Variants in FGF14 observed in about 807,000 individuals in gnomAD.
FGF14 encodes fibroblast growth factor homologous factor 4.
Under a neutral mutation model 25.5 loss-of-function variants are expected in FGF14, and 5 were observed. That is an observed-to-expected ratio of 0.20 (90% confidence interval 0.10 to 0.41). The LOEUF (loss-of-function observed/expected upper bound fraction) is 0.41. Among genes scored for constraint, FGF14 ranks in the 10% least tolerant of loss-of-function variants. FGF14 has a pLI of 1.00. For missense variants in FGF14, 222 were observed against 320.1 expected (o/e 0.69, Z 2.34); for synonymous variants, 138 against 118.3 (o/e 1.17, Z -1.08).
intron 3 of FGF14, among the ~76,000 whole-genome samples, chr13:101,730,161 T>C (rs2035713532): frequency 6.6e-6 from 1 of 152,172 alleles, no homozygotes; most frequent in Non-Finnish European, 1.5e-5. Context: ...AAGGGAATAA[T>C]AATAGGGCCT....
At position 101,715,876 on chromosome 13, in the gene FGF14, T is replaced by C. The variant is rs2139625078; in HGVS notation, c.*6955A>G. ...AAAAAAGATTCTTCCATAATTAACA[T>C]AAGTGGTTCCTAACGAGAGCAATTT... is the stretch of plus-strand genomic sequence containing the variant. On this transcript the variant is annotated 3_prime_UTR_variant, in exon 5 of 5. Coordinates refer to ENST00000376143, the MANE Select transcript of FGF14 (RefSeq NM_004115.4). 2.3e-6 allele frequency: 1 copy of C among 436,490 alleles called. No individual in the cohort carries two copies. Among genetic ancestry groups the C allele is most frequent in the Non-Finnish European group, 4.1e-6 (1 of 242,332 alleles). The allele number at this position is 436,490 out of a possible 1,614,324, so 27.0% of individuals were successfully genotyped here.
chr13:101,789,462 G>A (rs547408797), intron 3 of FGF14, among the ~76,000 whole-genome samples: 1 of 152,092 alleles, frequency 6.6e-6, no homozygotes, highest in Non-Finnish European at 1.5e-5. Context: ...TGACTCACCT[G>A]GAAAATCATG....
intron 3 of FGF14, among the ~76,000 whole-genome samples, chr13:101,737,045 T>TTTTTTTTTGAGACGG (rs2036237960): frequency 7.2e-6 from 1 of 139,782 alleles, no homozygotes; most frequent in African/African-American, 2.5e-5. Context: ...TTCATTATTT[T>TTTTTTTTTGAGACGG]AGCCTTATGT....
rs1052299611 is a variant in FGF14 at position 102,366,084 on chromosome 13, T to C, written c.208+35387A>G. Among the ~76,000 whole-genome samples, 5 of 152,146 alleles carry C rather than the reference T, an allele frequency of 3.3e-5. No homozygotes were observed. The East Asian group carries it at 9.6e-4, about 29-fold the overall frequency. On this transcript the variant is annotated intron_variant, in intron 1 of 4. Transcript: ENST00000376131. Reference sequence around the variant, plus strand: ...TCAATGGTTAGTGAAAAGGTTTTCATTAAGAAAATTTTATCTCACCCAACA... The same window carrying C: ...TCAATGGTTAGTGAAAAGGTTTTCACTAAGAAAATTTTATCTCACCCAACA...
chr13:102,054,061 G>A (rs982465650), intron 1 of FGF14, among the ~76,000 whole-genome samples: 6 of 152,062 alleles, frequency 3.9e-5, no homozygotes, highest in African/African-American at 7.2e-5. Context: ...CATAGCTATG[G>A]ACATTTACTT....
intron 1 of FGF14, among the ~76,000 whole-genome samples, chr13:102,068,614 C>G (rs1018501487): frequency 3.9e-5 from 6 of 152,222 alleles, no homozygotes; most frequent in Non-Finnish European, 5.9e-5. Context: ...ACTTGGCACC[C>G]GGGCCAGCGG....
chr13:102,162,218 A>C (rs556284777), intron 1 of FGF14, among the ~76,000 whole-genome samples: 65 of 152,334 alleles, frequency 4.3e-4, no homozygotes, highest in African/African-American at 1.4e-3. Context: ...CAGCAAACTC[A>C]GAATCTCTCG....
chr13:102,191,189 A>T (rs547910377), intron 1 of FGF14, among the ~76,000 whole-genome samples: 3 of 152,208 alleles, frequency 2.0e-5, no homozygotes, highest in Non-Finnish European at 4.4e-5. Context: ...CATCCATGGT[A>T]ATTGCTTAAT....
intron 1 of FGF14, among the ~76,000 whole-genome samples, chr13:102,047,614 G>T (rs1307357568): frequency 6.6e-6 from 1 of 152,078 alleles, no homozygotes; most frequent in Non-Finnish European, 1.5e-5. Flanking sequence ...TCACTCATAG[G>T]TGGGAATTGA....
In FGF14 at chr13:102,110,978, G is replaced by A. The variant is rs76970635; in HGVS notation, c.209-235682C>T. Among the ~76,000 whole-genome samples, 259 of 152,262 alleles carry A rather than the reference G, an allele frequency of 1.7e-3. 1 individual carries two copies. Among genetic ancestry groups the A allele is most frequent in the African/African-American group, 6.1e-3 (252 of 41,552 alleles). ...TTAGAATCTTTATCCTGACAGAGGC[G>A]GCCTTGAAGAATCTGTTCCTGAGAC... On this transcript the variant is annotated intron_variant, in intron 1 of 4. Transcript: ENST00000376131.
intron 1 of FGF14, among the ~76,000 whole-genome samples, chr13:102,214,403 A>C (rs1409136883): frequency 2.0e-5 from 3 of 152,222 alleles, no homozygotes; most frequent in Non-Finnish European, 4.4e-5. Flanking sequence ...GCTTAAAAAA[A>C]TATATACAAA....
chr13:102,206,758 GA>G (rs1566816904), intron 1 of FGF14, among the ~76,000 whole-genome samples: 1 of 152,162 alleles, frequency 6.6e-6, no homozygotes, highest in Non-Finnish European at 1.5e-5. Context: ...AACTGAGTGT[GA>G]AAATATCACG....
At chr13:102,036,143 T>C (rs2041462180) in intron 1 of FGF14, among the ~76,000 whole-genome samples, 1 of 152,126 alleles carries the variant, frequency 6.6e-6, no homozygotes. Flanking sequence ...CTTCTTATAA[T>C]GACTCTGAGG....
rs191167362 is a variant in FGF14 at position 101,888,611 on chromosome 13, A to C, written c.194-13315T>G. ...TTACTCTGTTGCCTTATGATGGAGG[A>C]TATATAACAAGATCATTAGTAGACA... On this transcript the variant is annotated intron_variant, in intron 1 of 4. Transcript: ENST00000376143. Among the ~76,000 whole-genome samples, 192 of 150,388 alleles carry C rather than the reference A, an allele frequency of 1.3e-3. 2 individuals carry two copies. Among genetic ancestry groups the C allele is most frequent in the Non-Finnish European group, 2.4e-4 (16 of 67,956 alleles).
At chr13:101,913,377 A>C (rs903347720) in intron 1 of FGF14, among the ~76,000 whole-genome samples, 3 of 152,176 alleles carry the variant, frequency 2.0e-5, no homozygotes, top group African/African-American at 7.2e-5. Context: ...TCACAAGAGT[A>C]AGTCAACTGG....
At chr13:102,152,730 C>T (rs2047143293) in intron 1 of FGF14, among the ~76,000 whole-genome samples, 1 of 152,140 alleles carries the variant, frequency 6.6e-6, no homozygotes, top group Non-Finnish European at 1.5e-5. Flanking sequence ...CCATGTTCCG[C>T]TTTACCTATA....
At chr13:101,890,990 C>A (rs2046240534) in intron 1 of FGF14, among the ~76,000 whole-genome samples, 1 of 152,058 alleles carries the variant, frequency 6.6e-6, no homozygotes, top group African/African-American at 2.4e-5. Context: ...GTAGGATCAC[C>A]AAGATCCAGT....
intron 1 of FGF14, among the ~76,000 whole-genome samples, chr13:101,901,229 T>C (rs1414402371): frequency 1.3e-5 from 2 of 152,208 alleles, no homozygotes; most frequent in Non-Finnish European, 2.9e-5. Flanking sequence ...ATTCCTATTA[T>C]TGAAATAGCA....
exon 1 of FGF14, chr13:102,401,757 T>G: frequency 2.4e-6 from 3 of 1,227,088 alleles, no homozygotes; most frequent in Non-Finnish European, 3.5e-6. Flanking sequence ...TTCTCAGTGA[T>G]TGTTTGTTTT....
Sources: allele counts gnomAD v4.1 joint callset (sites outside exome capture counted in the v4.1 genomes callset), GRCh38; gene constraint gnomAD v4.1.1; transcripts MANE v1.5; gene names NCBI Gene and HGNC (gene_info 2026-07-23, HGNC 2026-07-21).